ST3GAL1: variants seen among roughly 807,000 people sequenced by gnomAD.
ST3GAL1 encodes CMP-N-acetylneuraminate-beta-galactosamide-alpha-2,3-sialyltransferase 1.
Under a neutral mutation model 34.1 loss-of-function variants are expected in ST3GAL1, and 16 were observed. The ratio of observed to expected loss-of-function variants is 0.47; its 90% CI spans 0.32 to 0.71. The LOEUF is 0.71. Among genes scored for constraint, ST3GAL1 ranks in the 30% least tolerant of loss-of-function variants. The pLI, the probability that ST3GAL1 is intolerant of heterozygous loss-of-function variation, is 0.04. For missense variants in ST3GAL1, 353 were observed against 447.4 expected (o/e 0.79, Z 1.90); for synonymous variants, 191 against 184.7 (o/e 1.03, Z -0.28).
chr8:133,551,131 C>T (rs1201996638), intron 1 of ST3GAL1, among the ~76,000 whole-genome samples: 7 of 152,114 alleles, frequency 4.6e-5, no homozygotes, highest in African/African-American at 1.7e-4. Flanking sequence ...GTGTGGCCTG[C>T]TTCTAGGTGT....
chr8:133,522,624 C>T (rs575880408), intron 2 of ST3GAL1, among the ~76,000 whole-genome samples: 3 of 152,292 alleles, frequency 2.0e-5, no homozygotes, highest in East Asian at 1.9e-4. Flanking sequence ...GAAAAGCCTA[C>T]GTTCATATCC....
At chr8:133,471,724 G>T (rs893735789) in intron 5 of ST3GAL1, among the ~76,000 whole-genome samples, 20 of 152,076 alleles carry the variant, frequency 1.3e-4, no homozygotes, top group African/African-American at 3.9e-4. Context: ...TCCTGGTGGT[G>T]GGGGTGGTAA....
intron 1 of ST3GAL1, among the ~76,000 whole-genome samples, chr8:133,566,390 T>G (rs935822234): frequency 2.6e-5 from 4 of 152,208 alleles, no homozygotes; most frequent in Admixed American, 2.0e-4. Context: ...CTGTCTCCCG[T>G]AGGCTCTGTC....
intron 2 of ST3GAL1, among the ~76,000 whole-genome samples, chr8:133,540,712 C>CATATATATATAGACAT (rs1818440215): frequency 9.4e-6 from 1 of 106,104 alleles, no homozygotes; most frequent in Non-Finnish European, 1.9e-5. Context: ...TATATACAGA[C>CATATATATATAGACAT]ATATATATAT....
chr8:133,554,003 G>A (rs968296979), intron 1 of ST3GAL1, among the ~76,000 whole-genome samples: 2 of 152,128 alleles, frequency 1.3e-5, no homozygotes, highest in Non-Finnish European at 2.9e-5. Flanking sequence ...TGCTTCTGCA[G>A]ACTCCATGCA....
intron 3 of ST3GAL1, among the ~76,000 whole-genome samples, chr8:133,495,327 C>G (rs1418222898): frequency 2.0e-5 from 3 of 152,144 alleles, no homozygotes; most frequent in Non-Finnish European, 4.4e-5. Context: ...TTTCTTAGTT[C>G]ACTACTGTGT....
intron 2 of ST3GAL1, among the ~76,000 whole-genome samples, chr8:133,535,244 T>C (rs746442462): frequency 1.1e-4 from 16 of 152,212 alleles, no homozygotes; most frequent in Non-Finnish European, 7.3e-5. Flanking sequence ...AGAGCTACAT[T>C]ATATCTATAT....
intron 3 of ST3GAL1, among the ~76,000 whole-genome samples, chr8:133,497,456 A>T (rs4736685): frequency 0.61 from 12,470 of 20,306 alleles, 4,707 homozygotes; most frequent in Middle Eastern, 0.96. Flanking sequence ...TTTTGTTGGA[A>T]TTTTTTTTTT....
At chr8:133,511,806 C>A (rs1033068483) in intron 2 of ST3GAL1, among the ~76,000 whole-genome samples, 1 of 152,198 alleles carries the variant, frequency 6.6e-6, no homozygotes, top group Non-Finnish European at 1.5e-5. Context: ...GTAATCCCAG[C>A]ACTTTGGGAG....
chr8:133,517,373 A>G (rs1344568150), intron 2 of ST3GAL1, among the ~76,000 whole-genome samples: 1 of 152,080 alleles, frequency 6.6e-6, no homozygotes, highest in African/African-American at 2.4e-5. Context: ...TTTTTGAGAC[A>G]GAGTCTCACT....
chr8:133,560,372 G>C (rs1475593408), intron 1 of ST3GAL1, among the ~76,000 whole-genome samples: 6 of 152,174 alleles, frequency 3.9e-5, no homozygotes, highest in Non-Finnish European at 7.3e-5. Context: ...AAATTATGAT[G>C]AATTTAGCAG....
chr8:133,560,322 AG>A (rs1819181336), intron 1 of ST3GAL1, among the ~76,000 whole-genome samples: 1 of 152,204 alleles, frequency 6.6e-6, no homozygotes, highest in Non-Finnish European at 1.5e-5. Flanking sequence ...TAACAGAAAA[AG>A]TATTTGCATT....
intron 2 of ST3GAL1, among the ~76,000 whole-genome samples, chr8:133,501,794 C>T (rs1161285373): frequency 6.6e-6 from 1 of 152,056 alleles, no homozygotes; most frequent in African/African-American, 2.4e-5. Context: ...ATCTCTAGGA[C>T]TTTGGCTCTG....
Position 133,531,814 on chromosome 8 carries a change from G to GAAAAA in ST3GAL1, c.-429+13955_-429+13959dup, listed in dbSNP as rs55909710. ...ACTTGTATCCCGAAACTTAAAAACA[G>GAAAAA]AAAAAAAAAAAAAAAAAAAAAAAAG... On this transcript the variant is annotated intron_variant, in intron 2 of 9. Transcript: ENST00000522652. 8.0e-5 allele frequency among the ~76,000 whole-genome samples: 8 copies of GAAAAA among 99,876 alleles called. 1 individual carries two copies. The highest frequency in any genetic ancestry group is 1.0e-4 in the Non-Finnish European group (5 of 47,774). 65.5% of individuals were successfully genotyped at this position (99,876 alleles called of 152,430 possible). A position where few individuals can be genotyped will look rare whatever the true frequency, so the allele number is the denominator to read the frequency against.
chr8:133,494,913 CTTTTTTTTTTT>C (rs34975583), intron 3 of ST3GAL1, among the ~76,000 whole-genome samples: 1 of 100,708 alleles, frequency 9.9e-6, no homozygotes, highest in African/African-American at 3.9e-5. Context: ...TTCCTCTATT[CTTTTTTTTTTT>C]TTTTTTTTTT....
At chr8:133,555,134 G>A (rs964562896) in intron 1 of ST3GAL1, among the ~76,000 whole-genome samples, 1 of 152,114 alleles carries the variant, frequency 6.6e-6, no homozygotes, top group African/African-American at 2.4e-5. Flanking sequence ...CCACCCCCGC[G>A]GGGGACTGCT....
rs1216555193 is a variant in ST3GAL1, at chr8:133,463,274, G to A, written c.729+140C>T. 4 of 915,444 alleles carry A rather than the reference G, an allele frequency of 4.4e-6. No individual in the cohort carries two copies. The South Asian group carries it at 4.5e-5, about 10-fold the overall frequency. The allele number at this position is 915,444 out of a possible 1,614,324, so 56.7% of individuals were successfully genotyped here. Reference sequence around the variant, plus strand: ...CCCAGTGTTTGACCTCTTCCCCCAGGGGGATAGCTAAGTGGGAGATGCTAC... The same window carrying A: ...CCCAGTGTTTGACCTCTTCCCCCAGAGGGATAGCTAAGTGGGAGATGCTAC... On this transcript the variant is annotated intron_variant, in intron 8 of 9. Transcript: ENST00000522652.
rs558965591 is a variant in ST3GAL1, at chr8:133,470,922, G to T, written c.306+4797C>A. Reference sequence around the variant, plus strand: ...CCTGTGCTATGGCAGAGTTTGTCCTGTCTTGAGGCACGATGGCTGGAAGTC... The same window carrying T: ...CCTGTGCTATGGCAGAGTTTGTCCTTTCTTGAGGCACGATGGCTGGAAGTC... On this transcript the variant is annotated intron_variant, in intron 5 of 9. Transcript: ENST00000522652. Among the ~76,000 whole-genome samples, 3 of 152,294 alleles carry T rather than the reference G, an allele frequency of 2.0e-5. No homozygotes were observed. The South Asian group carries it at 6.2e-4, about 32-fold the overall frequency.
At chr8:133,521,921 TTC>T (rs1176443264) in intron 2 of ST3GAL1, among the ~76,000 whole-genome samples, 1 of 151,222 alleles carries the variant, frequency 6.6e-6, no homozygotes, top group African/African-American at 2.4e-5. Flanking sequence ...CTGTAGGATT[TTC>T]TGTTTCTGTT....
Sources: allele counts gnomAD v4.1 joint callset (sites outside exome capture counted in the v4.1 genomes callset), GRCh38; gene constraint gnomAD v4.1.1; transcripts MANE v1.5; gene names NCBI Gene and HGNC (gene_info 2026-07-23, HGNC 2026-07-21).